The following PDE1C variants were observed in gnomAD, a reference collection of about 807,000 sequenced individuals.
PDE1C encodes the protein dual specificity calcium/calmodulin-dependent 3',5'-cyclic nucleotide phosphodiesterase 1C.
Under a neutral mutation model 93.1 loss-of-function variants are expected in PDE1C, and 62 were observed. That is an observed-to-expected ratio of 0.67 (90% CI 0.54 to 0.82). The LOEUF (loss-of-function observed/expected upper bound fraction) is 0.82, where lower values mean the gene tolerates loss of function less well. Among genes scored for constraint, PDE1C ranks in the 40% least tolerant of loss-of-function variants. The pLI is 0.00. For missense variants in PDE1C, 742 were observed against 884.6 expected, an observed-to-expected ratio of 0.84 and a Z score of 2.04; for synonymous variants, 325 against 310.1, an observed-to-expected ratio of 1.05 and a Z score of -0.50.
At chr7:31,902,061 A>G (rs1800047377) in intron 2 of PDE1C, among the ~76,000 whole-genome samples, 1 of 151,446 alleles carries the variant, frequency 6.6e-6, no homozygotes, top group Non-Finnish European at 1.5e-5. Flanking sequence ...TTGTGAGTGG[A>G]AAAGGTTTCT....
At chr7:32,300,561 T>A, upstream of PDE1C, among the ~76,000 whole-genome samples, 1 of 152,168 alleles carries the variant, frequency 6.6e-6, no homozygotes, top group Non-Finnish European at 1.5e-5. Context: ...ACCAGCTACA[T>A]GGCCTTGACC....
chr7:31,705,434 C>G, the PDE1C span, among the ~76,000 whole-genome samples: 1 of 152,072 alleles, frequency 6.6e-6, no homozygotes, highest in Non-Finnish European at 1.5e-5. Flanking sequence ...AAACAGAAAT[C>G]CAAATCTCTG....
At chr7:32,381,785 C>T (rs1784540186) in intron 1 of PDE1C, among the ~76,000 whole-genome samples, 1 of 152,130 alleles carries the variant, frequency 6.6e-6, no homozygotes, top group Non-Finnish European at 1.5e-5. Flanking sequence ...TATTTGTTTG[C>T]ATGTTTGTTT....
At chr7:32,228,572 C>G (rs755447308) in intron 1 of PDE1C, among the ~76,000 whole-genome samples, 1 of 152,180 alleles carries the variant, frequency 6.6e-6, no homozygotes, top group Non-Finnish European at 1.5e-5. Context: ...CTTTCCAGCA[C>G]CTTTGTGTCC....
chr7:32,195,141 C>G (rs1231117549), intron 2 of PDE1C, among the ~76,000 whole-genome samples: 4 of 152,192 alleles, frequency 2.6e-5, no homozygotes, highest in Non-Finnish European at 5.9e-5. Flanking sequence ...ATTTTTGCTT[C>G]AACCATCAAA....
At chr7:32,255,252 G>A (rs936282811) in intron 1 of PDE1C, among the ~76,000 whole-genome samples, 1 of 152,128 alleles carries the variant, frequency 6.6e-6, no homozygotes, top group Admixed American at 6.5e-5. Flanking sequence ...AAACCGCCTG[G>A]ATTTATTTCT....
chr7:31,652,820 C>A, the PDE1C span: 1 of 1,612,724 alleles, frequency 6.2e-7, no homozygotes, highest in Non-Finnish European at 8.5e-7. Context: ...ATGCAGATGT[C>A]TTCCTCTAGA....
intron 2 of PDE1C, among the ~76,000 whole-genome samples, chr7:31,936,932 T>A (rs997816734): frequency 2.0e-5 from 3 of 152,086 alleles, no homozygotes; most frequent in African/African-American, 7.2e-5. Flanking sequence ...GAGACAGAAG[T>A]TACAGGTAAA....
intron 9 of PDE1C, among the ~76,000 whole-genome samples, chr7:31,843,655 G>C (rs930125583): frequency 6.6e-6 from 1 of 151,728 alleles, no homozygotes; most frequent in Non-Finnish European, 1.5e-5. Flanking sequence ...CTTTTAAGTA[G>C]AATGTTTAGT....
intron 1 of PDE1C, among the ~76,000 whole-genome samples, chr7:32,258,945 G>A (rs1186739076): frequency 6.6e-6 from 1 of 152,186 alleles, no homozygotes; most frequent in Admixed American, 6.5e-5. Context: ...GAGCTGCTGG[G>A]AAGATTGAAA....
intron 8 of PDE1C, among the ~76,000 whole-genome samples, chr7:31,849,324 C>T (rs960353453): frequency 1.3e-5 from 2 of 152,186 alleles, no homozygotes; most frequent in Non-Finnish European, 2.9e-5. Flanking sequence ...TCTCTGTCCT[C>T]AGAGCAAAGG....
chr7:32,154,242 G>A (rs761152197), intron 3 of PDE1C, among the ~76,000 whole-genome samples: 2 of 152,164 alleles, frequency 1.3e-5, no homozygotes, highest in Non-Finnish European at 2.9e-5. Flanking sequence ...CTGGGTGACA[G>A]AGCGAGACTA....
At chr7:32,267,159 T>A (rs1273464972) in intron 1 of PDE1C, among the ~76,000 whole-genome samples, 1 of 152,138 alleles carries the variant, frequency 6.6e-6, no homozygotes, top group Non-Finnish European at 1.5e-5. Flanking sequence ...ACCCTCCCTG[T>A]CGTTAGAGAC....
chr7:31,850,915 T>C (rs913776238), intron 7 of PDE1C, 174 bp from the exon 8 acceptor site: 5 of 584,222 alleles, frequency 8.6e-6, no homozygotes, highest in Non-Finnish European at 1.5e-5. Flanking sequence ...ACTTGGAGAC[T>C]TGTGATTTGT....
intron 2 of PDE1C, among the ~76,000 whole-genome samples, chr7:31,978,701 T>C (rs181928492): frequency 5.9e-5 from 9 of 152,166 alleles, no homozygotes; most frequent in Non-Finnish European, 1.0e-4. Context: ...ATTAACCTGA[T>C]GCCAGGGATG....
chr7:31,993,947 G>A (rs919283435), intron 2 of PDE1C, among the ~76,000 whole-genome samples: 1 of 152,142 alleles, frequency 6.6e-6, no homozygotes, highest in Non-Finnish European at 1.5e-5. Flanking sequence ...CAACCCATAT[G>A]TCTTCCCAAT....
chr7:31,891,555 G>T (rs1479349674), intron 2 of PDE1C, among the ~76,000 whole-genome samples: 1 of 152,068 alleles, frequency 6.6e-6, no homozygotes, highest in Non-Finnish European at 1.5e-5. Context: ...GTTCTCATGG[G>T]AATTATGTTG....
intron 17 of PDE1C, among the ~76,000 whole-genome samples, chr7:31,768,108 G>A (rs572635494): frequency 8.5e-5 from 13 of 152,236 alleles, no homozygotes; most frequent in Non-Finnish European, 1.5e-4. Flanking sequence ...GGAATGTAGA[G>A]GAGTCTATCT....
intron 2 of PDE1C, among the ~76,000 whole-genome samples, chr7:32,200,499 C>A (rs149097900): frequency 6.6e-6 from 1 of 152,244 alleles, no homozygotes; most frequent in Non-Finnish European, 1.5e-5. Flanking sequence ...TTCCTGATCT[C>A]TCTTTTATTA....
Sources: gnomAD v4.1 joint callset for allele counts (sites outside exome capture counted in the v4.1 genomes callset) on GRCh38, gnomAD v4.1.1 for gene constraint, MANE v1.5 for transcripts, NCBI Gene and HGNC (gene_info 2026-07-23, HGNC 2026-07-21) for gene names.